Variants in CCDC178 observed in about 807,000 individuals in gnomAD.
The protein encoded by CCDC178 is coiled-coil domain-containing protein 178.
CCDC178 carries 126 observed loss-of-function variants against 117.4 expected under a neutral mutation model. The observed-to-expected ratio is 1.07, with a 90% CI of 0.93 to 1.24. CCDC178 has a LOEUF of 1.24. Ranked by LOEUF, CCDC178 falls within the 50% of genes most tolerant of loss-of-function variation. The probability of loss-of-function intolerance (pLI) is 0.00; values close to 1 mark genes in which losing one functional copy is unlikely to be tolerated. For missense variants in CCDC178, 1,030 were observed against 986.9 expected (o/e 1.04, Z -0.59); for synonymous variants, 283 against 313.4 (o/e 0.90, Z 1.02).
rs12455624 is a variant in CCDC178 at position 33,161,953 on chromosome 18, C to A, written c.2238+49943G>T. Among the ~76,000 whole-genome samples, 1,232 of 152,240 alleles carry A rather than the reference C, an allele frequency of 8.1e-3. 52 individuals are homozygous for A. The highest frequency in any genetic ancestry group is 0.069 in the Admixed American group (1,060 of 15,276). ...ATACCCAGTAATGGGATTGCTGGGTCAAATGGTATTTCTAGTTCTAGATCC... is the reference window on the plus strand; with the variant it reads ...ATACCCAGTAATGGGATTGCTGGGTAAAATGGTATTTCTAGTTCTAGATCC... On this transcript the variant is annotated intron_variant, in intron 20 of 22. Coordinates refer to ENST00000383096, the MANE Select transcript of CCDC178 (RefSeq NM_001105528.4).
At chr18:33,423,570 TTTTC>T (rs2064064240) in intron 2 of CCDC178, among the ~76,000 whole-genome samples, 3 of 152,168 alleles carry the variant, frequency 2.0e-5, no homozygotes, top group African/African-American at 7.2e-5. Context: ...TCTTGTACAC[TTTTC>T]TTTGTGTATA....
intron 22 of CCDC178, among the ~76,000 whole-genome samples, chr18:32,962,070 T>C (rs1238300100): frequency 6.6e-5 from 10 of 151,976 alleles, no homozygotes; most frequent in Admixed American, 3.9e-4. Context: ...TTTTGTGATA[T>C]CACTTTTCAT....
chr18:33,119,736 G>A (rs2057909928), intron 20 of CCDC178, among the ~76,000 whole-genome samples: 4 of 152,092 alleles, frequency 2.6e-5, no homozygotes, highest in African/African-American at 7.2e-5. Flanking sequence ...ACATGCACAC[G>A]TATGTTTATT....
chr18:33,390,574 G>T (rs1187107095), intron 4 of CCDC178, among the ~76,000 whole-genome samples: 1 of 152,144 alleles, frequency 6.6e-6, no homozygotes, highest in Non-Finnish European at 1.5e-5. Flanking sequence ...AACAAAGTCA[G>T]ATAAAACATA....
At chr18:33,393,030 C>T (rs1477526727) in intron 4 of CCDC178, among the ~76,000 whole-genome samples, 2 of 152,036 alleles carry the variant, frequency 1.3e-5, no homozygotes, top group African/African-American at 4.8e-5. Context: ...TCATGGTCTT[C>T]CCGTGAATAA....
chr18:33,097,935 T>C (rs1234999969), intron 20 of CCDC178, among the ~76,000 whole-genome samples: 1 of 152,086 alleles, frequency 6.6e-6, no homozygotes, highest in Non-Finnish European at 1.5e-5. Context: ...TCTCAGTATT[T>C]GATTAGGTCT....
intron 12 of CCDC178, 132 bp from the exon 13 acceptor site, chr18:33,267,429 C>T (rs1219652514): frequency 3.8e-5 from 20 of 524,758 alleles, no homozygotes; most frequent in East Asian, 6.4e-5. Flanking sequence ...ATAGAAAATT[C>T]GGAATCATAA....
intron 21 of CCDC178, among the ~76,000 whole-genome samples, chr18:33,033,680 A>T (rs1485591666): frequency 6.6e-6 from 1 of 152,056 alleles, no homozygotes; most frequent in Non-Finnish European, 1.5e-5. Context: ...TTTCCCAGCC[A>T]AGCTTCCTCA....
chr18:33,303,142 T>C (rs113175645), intron 11 of CCDC178, among the ~76,000 whole-genome samples: 3 of 152,298 alleles, frequency 2.0e-5, no homozygotes, highest in African/African-American at 7.2e-5. Context: ...ATATTCTATA[T>C]GTCAATCTTT....
At chr18:32,961,420 G>A (rs995559911) in intron 22 of CCDC178, among the ~76,000 whole-genome samples, 1 of 152,010 alleles carries the variant, frequency 6.6e-6, no homozygotes, top group Non-Finnish European at 1.5e-5. Context: ...ACCATATTGA[G>A]CTTGGTGTTG....
In CCDC178 at chr18:33,072,412, T is replaced by A. The variant is rs140795547; in HGVS notation, c.2388+20349A>T. ...CCTATGGTCAAAAGATATTTACAAA[T>A]ATATAATATGCAATAGCCACTATGT... On this transcript the variant is annotated intron_variant, in intron 21 of 22. Coordinates refer to ENST00000383096, the MANE Select transcript of CCDC178 (RefSeq NM_001105528.4). Among the ~76,000 whole-genome samples, 454 of 152,210 alleles carry A rather than the reference T, an allele frequency of 3.0e-3. 2 individuals are homozygous for A. Among genetic ancestry groups the A allele is most frequent in the Non-Finnish European group, 5.1e-3 (346 of 68,012 alleles).
chr18:33,280,136 A>T (rs1409673312), intron 12 of CCDC178, among the ~76,000 whole-genome samples: 1 of 151,490 alleles, frequency 6.6e-6, no homozygotes, highest in African/African-American at 2.4e-5. Context: ...TCTGCACAGC[A>T]AAAGAAACTA....
chr18:33,222,612 C>A (rs933971108), intron 18 of CCDC178, among the ~76,000 whole-genome samples: 3 of 152,074 alleles, frequency 2.0e-5, no homozygotes, highest in African/African-American at 7.2e-5. Flanking sequence ...AATCTAATCA[C>A]CTCTGGCCTA....
chr18:32,941,704 G>A (rs2144588787), intron 22 of CCDC178, among the ~76,000 whole-genome samples: 1 of 152,236 alleles, frequency 6.6e-6, no homozygotes, highest in East Asian at 1.9e-4. Context: ...AGGTGCAGAT[G>A]GTAAAGGTAT....
chr18:33,057,742 C>T (rs958252859), intron 21 of CCDC178, among the ~76,000 whole-genome samples: 11 of 152,132 alleles, frequency 7.2e-5, no homozygotes, highest in African/African-American at 2.2e-4. Context: ...GATTTGCCCA[C>T]CTCGGCCTCC....
chr18:33,252,362 G>GA (rs1190832152), intron 14 of CCDC178, among the ~76,000 whole-genome samples: 6 of 151,352 alleles, frequency 4.0e-5, no homozygotes, highest in East Asian at 3.9e-4. Flanking sequence ...TCAACTCTTG[G>GA]AAAAAAAAGT....
intron 15 of CCDC178, among the ~76,000 whole-genome samples, chr18:33,240,724 C>T (rs2059477317): frequency 6.6e-6 from 1 of 151,760 alleles, no homozygotes; most frequent in African/African-American, 2.4e-5. Flanking sequence ...AGTATTCCAA[C>T]AGAGAAAAAT....
At chr18:33,045,724 A>G (rs868085517) in intron 21 of CCDC178, among the ~76,000 whole-genome samples, 4 of 152,188 alleles carry the variant, frequency 2.6e-5, no homozygotes, top group African/African-American at 9.6e-5. Flanking sequence ...TACAAAGCCG[A>G]AGCATTGCAG....
chr18:33,317,877 C>A (rs1403828097), intron 11 of CCDC178, among the ~76,000 whole-genome samples: 1 of 152,088 alleles, frequency 6.6e-6, no homozygotes, highest in East Asian at 1.9e-4. Flanking sequence ...CAGGTTTAAG[C>A]CAAGATAGCC....
Sources: allele counts gnomAD v4.1 joint callset (sites outside exome capture counted in the v4.1 genomes callset), GRCh38; gene constraint gnomAD v4.1.1; transcripts MANE v1.5; gene names NCBI Gene and HGNC (gene_info 2026-07-23, HGNC 2026-07-21).